ROR2: variants seen among roughly 807,000 people sequenced by gnomAD.
ROR2 encodes the protein ROR family WNT receptor 2, also known as tyrosine-protein kinase transmembrane receptor ROR2.
Under a neutral mutation model 74.9 loss-of-function variants are expected in ROR2, and 33 were observed. The ratio of observed to expected loss-of-function variants is 0.44; its 90% CI spans 0.33 to 0.59. ROR2 has a LOEUF of 0.59. ROR2 is among the 20% of genes least tolerant of loss of function. The pLI is 0.02. For missense variants in ROR2, 1,216 were observed against 1,313.8 expected (o/e 0.93, Z 1.15); for synonymous variants, 586 against 558.7 (o/e 1.05, Z -0.69).
intron 3 of ROR2, among the ~76,000 whole-genome samples, chr9:91,756,970 ATGTT>A (rs1056994484): frequency 4.0e-5 from 6 of 151,608 alleles, no homozygotes; most frequent in African/African-American, 1.5e-4. Context: ...AACTACTACC[ATGTT>A]GGCTAGGCTG....
At chr9:91,809,391 A>C (rs1170598938) in intron 1 of ROR2, among the ~76,000 whole-genome samples, 1 of 152,264 alleles carries the variant, frequency 6.6e-6, no homozygotes, top group East Asian at 1.9e-4. Context: ...GGCACCAGGC[A>C]CACAGCTTTT....
intron 1 of ROR2, among the ~76,000 whole-genome samples, chr9:91,841,770 G>A (rs1486422426): frequency 6.6e-6 from 1 of 152,156 alleles, no homozygotes; most frequent in African/African-American, 2.4e-5. Flanking sequence ...GCCTGGTGGG[G>A]TTTGCACCAG....
chr9:91,761,206 G>C (rs933016760), intron 2 of ROR2, among the ~76,000 whole-genome samples: 3 of 152,136 alleles, frequency 2.0e-5, no homozygotes, highest in Non-Finnish European at 2.9e-5. Flanking sequence ...CAACCCAACA[G>C]TCCCATAGAC....
intron 1 of ROR2, among the ~76,000 whole-genome samples, chr9:91,935,936 G>C (rs923669835): frequency 2.6e-5 from 4 of 152,240 alleles, no homozygotes; most frequent in Non-Finnish European, 5.9e-5. Context: ...CAAGTGCAGG[G>C]ATGACAAGCG....
chr9:91,802,358 G>A (rs1827417622), intron 1 of ROR2, among the ~76,000 whole-genome samples: 1 of 152,086 alleles, frequency 6.6e-6, no homozygotes, highest in Non-Finnish European at 1.5e-5. Flanking sequence ...TTACAGGCGT[G>A]AGCCACCGCG....
intron 1 of ROR2, among the ~76,000 whole-genome samples, chr9:91,803,406 G>T (rs1827452853): frequency 6.6e-6 from 1 of 152,214 alleles, no homozygotes; most frequent in South Asian, 2.1e-4. Flanking sequence ...TGGAGGAGGG[G>T]ACAGGGAGTT....
chr9:91,898,926 C>T (rs1830604401), intron 1 of ROR2, among the ~76,000 whole-genome samples: 1 of 152,200 alleles, frequency 6.6e-6, no homozygotes, highest in African/African-American at 2.4e-5. Context: ...GAAGAAGCCT[C>T]AGACACCCGA....
At chr9:91,872,472 T>A (rs1829824999) in intron 1 of ROR2, among the ~76,000 whole-genome samples, 1 of 152,212 alleles carries the variant, frequency 6.6e-6, no homozygotes, top group Non-Finnish European at 1.5e-5. Context: ...AGGCAGTGTT[T>A]ACACCACACA....
At chr9:91,815,212 C>A (rs147475520) in intron 1 of ROR2, among the ~76,000 whole-genome samples, 23 of 152,270 alleles carry the variant, frequency 1.5e-4, no homozygotes, top group Non-Finnish European at 2.9e-4. Flanking sequence ...TTAAAAAATA[C>A]CTTTTTCCAT....
intron 1 of ROR2, among the ~76,000 whole-genome samples, chr9:91,810,742 G>A (rs1200586586): frequency 2.0e-5 from 3 of 152,250 alleles, no homozygotes; most frequent in African/African-American, 7.2e-5. Context: ...GTCACCAGGT[G>A]TGGCCGGAAC....
intron 6 of ROR2, among the ~76,000 whole-genome samples, chr9:91,732,723 C>G (rs10992072): frequency 6.6e-6 from 1 of 152,124 alleles, no homozygotes; most frequent in Non-Finnish European, 1.5e-5. Flanking sequence ...CCTGGCGGCC[C>G]GAGTGCGTGC....
chr9:91,756,492 C>T (rs1418227998), intron 3 of ROR2, among the ~76,000 whole-genome samples: 1 of 152,124 alleles, frequency 6.6e-6, no homozygotes, highest in African/African-American at 2.4e-5. Context: ...CACTTAATTC[C>T]TTCACCAGGT....
At chr9:91,869,472 C>T (rs1829732132) in intron 1 of ROR2, among the ~76,000 whole-genome samples, 1 of 152,184 alleles carries the variant, frequency 6.6e-6, no homozygotes, top group Non-Finnish European at 1.5e-5. Flanking sequence ...CAATGAAATA[C>T]TGCTCGGCAA....
intron 1 of ROR2, among the ~76,000 whole-genome samples, chr9:91,803,335 T>C (rs1827450338): frequency 6.6e-6 from 1 of 152,156 alleles, no homozygotes; most frequent in Admixed American, 6.6e-5. Flanking sequence ...ATCACTTCTG[T>C]GAAATATCCA....
At chr9:91,814,963 CGGTGACAAT>C in intron 1 of ROR2, among the ~76,000 whole-genome samples, 1 of 152,342 alleles carries the variant, frequency 6.6e-6, no homozygotes, top group Admixed American at 6.5e-5. Context: ...CTGACACAGT[CGGTGACAAT>C]GCCTCGAAGC....
chr9:91,796,848 T>C (rs1202673883), intron 1 of ROR2, among the ~76,000 whole-genome samples: 1 of 112,786 alleles, frequency 8.9e-6, no homozygotes, highest in Non-Finnish European at 1.7e-5. Flanking sequence ...CTGGGCTCTG[T>C]GGGTGGGGCT....
chr9:91,929,735 A>G (rs1165753430), intron 1 of ROR2, among the ~76,000 whole-genome samples: 1 of 152,116 alleles, frequency 6.6e-6, no homozygotes, highest in Admixed American at 6.5e-5. Flanking sequence ...ACCACCCAGA[A>G]AGGTCAAACA....
chr9:91,868,140 A>G (rs1170958056), intron 1 of ROR2, among the ~76,000 whole-genome samples: 1 of 152,210 alleles, frequency 6.6e-6, no homozygotes, highest in Non-Finnish European at 1.5e-5. Flanking sequence ...AAACAAACAG[A>G]AAGATAAAAT....
At chr9:91,857,799 T>C (rs1185211432) in intron 1 of ROR2, among the ~76,000 whole-genome samples, 7 of 152,178 alleles carry the variant, frequency 4.6e-5, no homozygotes, top group African/African-American at 1.7e-4. Flanking sequence ...AGCCCTTGTT[T>C]CCCTGCAGGT....
Sources: gnomAD v4.1 joint callset for allele counts (sites outside exome capture counted in the v4.1 genomes callset) on GRCh38, gnomAD v4.1.1 for gene constraint, MANE v1.5 for transcripts, NCBI Gene and HGNC (gene_info 2026-07-23, HGNC 2026-07-21) for gene names.